The following XKR4 variants were observed in gnomAD, a reference collection of about 807,000 sequenced individuals.
XKR4 encodes the protein XK related 4, also known as XK-related protein 4.
Under a neutral mutation model 53.9 loss-of-function variants are expected in XKR4, and 12 were observed. The observed-to-expected ratio is 0.22, with a 90% CI of 0.14 to 0.36. The LOEUF (loss-of-function observed/expected upper bound fraction) is 0.36, where lower values mean the gene tolerates loss of function less well. Among genes scored for constraint, XKR4 ranks in the 10% least tolerant of loss-of-function variants. XKR4 has a pLI of 1.00. For missense variants in XKR4, 799 were observed against 859.5 expected (o/e 0.93, Z 0.88); for synonymous variants, 354 against 362.4 (o/e 0.98, Z 0.26).
At chr8:55,453,158 A>G in intron 2 of XKR4, 1 of 519,342 alleles carries the variant, frequency 1.9e-6, no homozygotes. Flanking sequence ...GGCATGCTCC[A>G]CACCACGTGC....
chr8:55,103,349 T>C, intron 1 of XKR4, 55 bp downstream of exon 1: 6 of 1,527,580 alleles, frequency 3.9e-6, no homozygotes. Flanking sequence ...ACATCCCCAC[T>C]GCTTTGCTTT....
At position 55,117,108 on chromosome 8, in the gene XKR4, TTG is replaced by T. The variant is rs1816321028; in HGVS notation, c.806+13816_806+13817del. On this transcript the variant is annotated intron_variant, in intron 1 of 2. Coordinates refer to ENST00000327381, the MANE Select transcript of XKR4 (RefSeq NM_052898.2). ...ATATGATAAAAGTTAATTTTACTGG[TTG>T]TTTTTTACTTTATAAATATGGCTAC... Among the ~76,000 whole-genome samples the T allele has an allele frequency of 1.3e-5, 2 of 152,230 alleles. 1 individual carries two copies. Among genetic ancestry groups the T allele is most frequent in the Admixed American group, 1.3e-4 (2 of 15,278 alleles).
At chr8:55,296,762 G>T (rs568289137) in intron 1 of XKR4, among the ~76,000 whole-genome samples, 1 of 152,206 alleles carries the variant, frequency 6.6e-6, no homozygotes, top group African/African-American at 2.4e-5. Context: ...GATTGGAGAA[G>T]TCAAGCAGGA....
chr8:55,508,693 A>C (rs1289513004), intron 2 of XKR4, among the ~76,000 whole-genome samples: 1 of 152,244 alleles, frequency 6.6e-6, no homozygotes, highest in Non-Finnish European at 1.5e-5. Context: ...GGAGGCCCTG[A>C]GCATTCCCAG....
intron 1 of XKR4, among the ~76,000 whole-genome samples, chr8:55,278,254 T>A (rs1242118400): frequency 1.3e-5 from 2 of 151,058 alleles, no homozygotes; most frequent in African/African-American, 4.9e-5. Context: ...CAAGAATCGT[T>A]CCAACCCTGG....
chr8:55,233,386 C>CT (rs34681134), intron 1 of XKR4, among the ~76,000 whole-genome samples: 71,850 of 148,656 alleles, frequency 0.48, 20,286 homozygotes, highest in Non-Finnish European at 0.65. Flanking sequence ...GCCATCTGAT[C>CT]TTTTTTTTTT....
intron 1 of XKR4, among the ~76,000 whole-genome samples, chr8:55,149,591 C>T (rs1400426347): frequency 6.6e-6 from 1 of 152,130 alleles, no homozygotes; most frequent in Non-Finnish European, 1.5e-5. Context: ...TGATAACTAA[C>T]AGGGTGATCG....
chr8:55,112,562 GTT>G (rs761779642), intron 1 of XKR4, among the ~76,000 whole-genome samples: 21 of 77,214 alleles, frequency 2.7e-4, no homozygotes, highest in Admixed American at 6.2e-4. Flanking sequence ...TACTTTTCAG[GTT>G]TTTTTTTTTT....
At chr8:55,122,772 G>T (rs1481939285) in intron 1 of XKR4, among the ~76,000 whole-genome samples, 1 of 152,006 alleles carries the variant, frequency 6.6e-6, no homozygotes, top group African/African-American at 2.4e-5. Flanking sequence ...TCTAAATGCT[G>T]TGACTTGCAG....
At chr8:55,112,378 C>G (rs576476486) in intron 1 of XKR4, among the ~76,000 whole-genome samples, 1 of 152,000 alleles carries the variant, frequency 6.6e-6, no homozygotes, top group Non-Finnish European at 1.5e-5. Context: ...TTGAAAAAGA[C>G]TTGAGATGAC....
chr8:55,501,293 T>A (rs1806431938), intron 2 of XKR4, among the ~76,000 whole-genome samples: 1 of 152,230 alleles, frequency 6.6e-6, no homozygotes, highest in Admixed American at 6.5e-5. Context: ...ATTTATGGTT[T>A]GATATTATGT....
At chr8:55,325,192 A>G (rs1803274825) in intron 1 of XKR4, among the ~76,000 whole-genome samples, 2 of 152,328 alleles carry the variant, frequency 1.3e-5, no homozygotes, top group South Asian at 4.1e-4. Flanking sequence ...TTTTAGCACA[A>G]AGAATAGACC....
At chr8:55,394,958 A>G (rs976487911) in intron 2 of XKR4, among the ~76,000 whole-genome samples, 4 of 152,168 alleles carry the variant, frequency 2.6e-5, no homozygotes, top group Non-Finnish European at 4.4e-5. Context: ...TACTACCAAG[A>G]TAGTATTAGT....
chr8:55,170,886 C>T (rs895092234), intron 1 of XKR4, among the ~76,000 whole-genome samples: 1 of 152,246 alleles, frequency 6.6e-6, no homozygotes, highest in Admixed American at 6.5e-5. Flanking sequence ...CTAGTCTGCC[C>T]GTCCAACCTC....
At chr8:55,225,442 T>C (rs1425514856) in intron 1 of XKR4, among the ~76,000 whole-genome samples, 1 of 152,240 alleles carries the variant, frequency 6.6e-6, no homozygotes, top group African/African-American at 2.4e-5. Flanking sequence ...AAATGGGCTA[T>C]ATAATAGAAT....
At chr8:55,209,950 G>A (rs1056699920) in intron 1 of XKR4, among the ~76,000 whole-genome samples, 5 of 147,472 alleles carry the variant, frequency 3.4e-5, no homozygotes, top group Non-Finnish European at 7.7e-5. Flanking sequence ...ATCTTTGGGA[G>A]TACTTGTTTT....
At chr8:55,449,660 C>T in intron 2 of XKR4, 1 of 917,324 alleles carries the variant, frequency 1.1e-6, no homozygotes, top group Admixed American at 1.7e-5. Flanking sequence ...GGTGGCCATG[C>T]CAGGTGCCAC....
chr8:55,409,212 A>G (rs1804740454), intron 2 of XKR4, among the ~76,000 whole-genome samples: 1 of 152,200 alleles, frequency 6.6e-6, no homozygotes, highest in Non-Finnish European at 1.5e-5. Flanking sequence ...GAGAGGCGTT[A>G]CAGGCCTGGC....
chr8:55,363,291 C>A (rs747171222), intron 2 of XKR4, among the ~76,000 whole-genome samples: 1 of 152,174 alleles, frequency 6.6e-6, no homozygotes, highest in Non-Finnish European at 1.5e-5. Flanking sequence ...ACCGACTTCT[C>A]ATTCCTTCAT....
Sources: allele counts gnomAD v4.1 joint callset (sites outside exome capture counted in the v4.1 genomes callset), GRCh38; gene constraint gnomAD v4.1.1; transcripts MANE v1.5; gene names NCBI Gene and HGNC (gene_info 2026-07-23, HGNC 2026-07-21).